DOCK5: variants seen among roughly 807,000 people sequenced by gnomAD.
The protein encoded by DOCK5 is dedicator of cytokinesis 5, also known as dedicator of cytokinesis protein 5.
Under a neutral mutation model 251.8 loss-of-function variants are expected in DOCK5, and 142 were observed. That is an observed-to-expected ratio of 0.56 (90% CI 0.49 to 0.65). The LOEUF (loss-of-function observed/expected upper bound fraction) is 0.65. Among genes scored for constraint, DOCK5 ranks in the 30% least tolerant of loss-of-function variants. The pLI is 0.00. For missense variants in DOCK5, 2,111 were observed against 2,312.3 expected (o/e 0.91, Z 1.79); for synonymous variants, 842 against 835.5 (o/e 1.01, Z -0.13).
chr8:25,281,889 G>T (rs112396262), intron 5 of DOCK5, among the ~76,000 whole-genome samples: 1 of 127,136 alleles, frequency 7.9e-6, no homozygotes, highest in African/African-American at 2.9e-5. Context: ...AAAAAAAAAA[G>T]AAAAAAAAAA....
intron 3 of DOCK5, among the ~76,000 whole-genome samples, chr8:25,269,867 C>G (rs761320568): frequency 6.6e-6 from 1 of 152,190 alleles, no homozygotes; most frequent in Non-Finnish European, 1.5e-5. Flanking sequence ...ACCAGACCCA[C>G]GGTTCTTACA....
chr8:25,313,294 C>G (rs564457433), intron 13 of DOCK5, among the ~76,000 whole-genome samples: 34 of 152,210 alleles, frequency 2.2e-4, no homozygotes, highest in Admixed American at 3.9e-4. Context: ...AGCCCCACTC[C>G]AGCCTCTCAA....
chr8:25,239,337 G>GTA lies in DOCK5; in HGVS notation c.44-4336_44-4335insAT, dbSNP rs1169238402. Among the ~76,000 whole-genome samples, 336 of 114,468 alleles carry GTA rather than the reference G, an allele frequency of 2.9e-3. 3 individuals carry two copies. Among genetic ancestry groups the GTA allele is most frequent in the African/African-American group, 0.011 (309 of 27,764 alleles). 75.1% of individuals were successfully genotyped at this position (114,468 alleles called of 152,430 possible). A position where few individuals can be genotyped will look rare whatever the true frequency, so the allele number is the denominator to read the frequency against. ...CGTGTATATGTGTGTGTGTGTGTGT[G>GTA]TGTATGTGTGTGTGTGTGTGTGTGT... On this transcript the variant is annotated intron_variant, in intron 1 of 51. Transcript: ENST00000276440.
rs193252759 is a variant in DOCK5 at position 25,331,441 on chromosome 8, A to T, written c.1904-810A>T. On this transcript the variant is annotated intron_variant, in intron 18 of 51. Coordinates refer to ENST00000276440, the MANE Select transcript of DOCK5 (RefSeq NM_024940.8). ...ATTTTTAATAGCTCAACATTTATTA[A>T]ACCTGTAAGTGGCTTAAAGTTTCAA... Among the ~76,000 whole-genome samples the T allele has an allele frequency of 4.3e-3, 662 of 152,200 alleles. 5 individuals are homozygous for T. The highest frequency in any genetic ancestry group is 0.015 in the African/African-American group (629 of 41,518).
rs537373769 is a variant in DOCK5, at chr8:25,380,202, C to T, written c.3937-103C>T. 1.3e-5 allele frequency: 13 copies of T among 1,002,904 alleles called. No individual in the cohort carries two copies. In the South Asian group the frequency reaches 1.6e-4, roughly 12 times the overall value. 62.1% of individuals were successfully genotyped at this position (1,002,904 alleles called of 1,614,324 possible). A position where few individuals can be genotyped will look rare whatever the true frequency, so the allele number is the denominator to read the frequency against. Reference sequence around the variant, plus strand: ...AGGAATATCTACCGAAACTCAATCCCCCAGACCACTTGCTCATTCCCAGTG... The same window carrying T: ...AGGAATATCTACCGAAACTCAATCCTCCAGACCACTTGCTCATTCCCAGTG... On this transcript the variant is annotated intron_variant, in intron 38 of 51. Transcript: ENST00000276440.
At chr8:25,245,588 G>A (rs1803079120) in intron 2 of DOCK5, among the ~76,000 whole-genome samples, 1 of 148,760 alleles carries the variant, frequency 6.7e-6, no homozygotes, top group Non-Finnish European at 1.5e-5. Context: ...CGTCCAGGCT[G>A]GAGTGCAGTG....
At chr8:25,261,945 A>G (rs192329318) in intron 2 of DOCK5, among the ~76,000 whole-genome samples, 101 of 152,314 alleles carry the variant, frequency 6.6e-4, no homozygotes, top group African/African-American at 2.3e-3. Context: ...ATTCCTGTGT[A>G]TTGCCAGGTA....
chr8:25,389,742 G>A (rs1260749093), intron 41 of DOCK5, among the ~76,000 whole-genome samples: 1 of 152,146 alleles, frequency 6.6e-6, no homozygotes, highest in Non-Finnish European at 1.5e-5. Flanking sequence ...CTCATGTAGA[G>A]TTGTTGTGTA....
intron 1 of DOCK5, among the ~76,000 whole-genome samples, chr8:25,241,859 T>C (rs750374670): frequency 6.6e-6 from 1 of 152,080 alleles, no homozygotes; most frequent in Non-Finnish European, 1.5e-5. Flanking sequence ...TGCAGGGACA[T>C]GGGTGAAGCT....
chr8:25,338,276 A>G (rs2117226885), intron 22 of DOCK5, among the ~76,000 whole-genome samples: 1 of 151,714 alleles, frequency 6.6e-6, no homozygotes, highest in Non-Finnish European at 1.5e-5. Flanking sequence ...CCTGGGCTCA[A>G]GGGATCTGCC....
chr8:25,333,707 C>T (rs1805734740), intron 20 of DOCK5, among the ~76,000 whole-genome samples: 1 of 152,090 alleles, frequency 6.6e-6, no homozygotes, highest in Admixed American at 6.5e-5. Flanking sequence ...TCATAGTGTA[C>T]ACAGGAGAAA....
chr8:25,343,427 A>T (rs1021933801), intron 25 of DOCK5, among the ~76,000 whole-genome samples: 1 of 152,180 alleles, frequency 6.6e-6, no homozygotes, highest in African/African-American at 2.4e-5. Context: ...TTTAAGGAGA[A>T]TCTAAAGTCA....
chr8:25,311,805 C>G (rs980218988), intron 13 of DOCK5, among the ~76,000 whole-genome samples: 2 of 151,592 alleles, frequency 1.3e-5, no homozygotes, highest in African/African-American at 4.8e-5. Context: ...GCCTGTAGTC[C>G]CAGCTACTCA....
intron 1 of DOCK5, among the ~76,000 whole-genome samples, chr8:25,238,869 C>T (rs1802867776): frequency 1.3e-5 from 2 of 152,144 alleles, no homozygotes; most frequent in South Asian, 4.1e-4. Context: ...TAAGCCTGTG[C>T]CTTGTAATGA....
chr8:25,406,146 G>A lies in DOCK5; in HGVS notation c.5094-1837G>A, dbSNP rs193278672. ...ACTAATTTTTTGTACTTTTAGTAGA[G>A]ATGGGGTTTCACCATGTTAGCCAGG... is the stretch of plus-strand genomic sequence containing the variant. On this transcript the variant is annotated intron_variant, in intron 48 of 51. Coordinates refer to ENST00000276440, the MANE Select transcript of DOCK5 (RefSeq NM_024940.8). Among the ~76,000 whole-genome samples the A allele has an allele frequency of 5.2e-3, 788 of 152,206 alleles. 7 individuals carry two copies. Among genetic ancestry groups the A allele is most frequent in the African/African-American group, 0.017 (712 of 41,520 alleles).
At chr8:25,249,635 G>T (rs1803214113) in intron 2 of DOCK5, among the ~76,000 whole-genome samples, 1 of 152,184 alleles carries the variant, frequency 6.6e-6, no homozygotes, top group African/African-American at 2.4e-5. Flanking sequence ...TGGTCAGGCT[G>T]GAGTGCAGTG....
rs971717247 is a variant in DOCK5 at position 25,345,330 on chromosome 8, G to A, written c.2618-145G>A. On this transcript the variant is annotated intron_variant, in intron 25 of 51. Coordinates refer to ENST00000276440, the MANE Select transcript of DOCK5 (RefSeq NM_024940.8). ...CCGTGCCTAAAACCAGGTGTTCCTG[G>A]GTGGCCTGGAGGGGCTGCATCCCTG... 6 of 1,010,788 alleles carry A rather than the reference G, an allele frequency of 5.9e-6. No individual in the cohort carries two copies. The African/African-American group carries it at 8.0e-5, about 13-fold the overall frequency. 62.6% of individuals were successfully genotyped at this position (1,010,788 alleles called of 1,614,324 possible). A position where few individuals can be genotyped will look rare whatever the true frequency, so the allele number is the denominator to read the frequency against.
chr8:25,283,965 G>GT (rs1334356060), intron 5 of DOCK5, among the ~76,000 whole-genome samples: 1 of 152,146 alleles, frequency 6.6e-6, no homozygotes, highest in African/African-American at 2.4e-5. Context: ...TCCTGGTGAC[G>GT]TACCAAGACC....
At chr8:25,206,000 C>G (rs917141159) in intron 1 of DOCK5, among the ~76,000 whole-genome samples, 1 of 152,024 alleles carries the variant, frequency 6.6e-6, no homozygotes, top group Non-Finnish European at 1.5e-5. Flanking sequence ...GAAGGCTGAA[C>G]ATGAAAAAAG....
Sources: allele counts gnomAD v4.1 joint callset (sites outside exome capture counted in the v4.1 genomes callset), GRCh38; gene constraint gnomAD v4.1.1; transcripts MANE v1.5; gene names NCBI Gene and HGNC (gene_info 2026-07-23, HGNC 2026-07-21).